UBE2E2: variants seen among roughly 807,000 people sequenced by gnomAD.
UBE2E2 encodes the protein ubiquitin conjugating enzyme E2 E2, also known as ubiquitin-conjugating enzyme E2 E2.
Under a neutral mutation model 24.7 loss-of-function variants are expected in UBE2E2, and 6 were observed. The observed-to-expected ratio is 0.24, with a 90% CI of 0.13 to 0.48. UBE2E2 has a LOEUF of 0.48. UBE2E2 is among the 20% of genes least tolerant of loss of function. The pLI, the probability that UBE2E2 is intolerant of heterozygous loss-of-function variation, is 0.99. For synonymous variants in UBE2E2, 104 were observed against 83.6 expected (o/e 1.24, Z -1.33); for missense variants, 169 against 245.0 (o/e 0.69, Z 2.07).
chr3:23,269,059 G>A lies in UBE2E2; in HGVS notation c.227+51747G>A, dbSNP rs1575519615. On this transcript the variant is annotated intron_variant, in intron 3 of 5. Coordinates refer to ENST00000396703, the MANE Select transcript of UBE2E2 (RefSeq NM_152653.4). ...CCTTATACAAAAATTAATTCAAGAT[G>A]GATTAGAGACTTAAACGTTAGACCT... Among the ~76,000 whole-genome samples the A allele has an allele frequency of 2.0e-5, 3 of 151,654 alleles. No individual in the cohort carries two copies. In the East Asian group the frequency reaches 5.8e-4, roughly 29 times the overall value.
At position 23,479,262 on chromosome 3, in the gene UBE2E2, G is replaced by C. The variant is rs1260904115; in HGVS notation, c.228-20346G>C. On this transcript the variant is annotated intron_variant, in intron 3 of 5. Coordinates refer to ENST00000396703, the MANE Select transcript of UBE2E2 (RefSeq NM_152653.4). ...CAAACAATCATGGAATCTAGTCACT[G>C]TGCATAGCCAGGCATGCCAGCTGCT... 2.0e-5 allele frequency among the ~76,000 whole-genome samples: 3 copies of C among 152,204 alleles called. No individual in the cohort carries two copies. In the East Asian group the frequency reaches 5.8e-4, roughly 29 times the overall value.
chr3:23,218,320 G>T (rs1001467550), intron 3 of UBE2E2, among the ~76,000 whole-genome samples: 3 of 152,182 alleles, frequency 2.0e-5, no homozygotes, highest in Admixed American at 2.0e-4. Flanking sequence ...AATATTCAAA[G>T]AATGTTTCAC....
At chr3:23,361,426 G>A (rs1696111119) in intron 3 of UBE2E2, among the ~76,000 whole-genome samples, 1 of 152,182 alleles carries the variant, frequency 6.6e-6, no homozygotes, top group African/African-American at 2.4e-5. Context: ...ATGGAACCAA[G>A]CTAAGTGCCC....
chr3:23,492,779 C>G (rs1256504611), intron 3 of UBE2E2, among the ~76,000 whole-genome samples: 2 of 151,972 alleles, frequency 1.3e-5, no homozygotes, highest in Non-Finnish European at 2.9e-5. Context: ...TACCATTAAA[C>G]CTCCCAATAA....
At chr3:23,319,959 C>G (rs1378899944) in intron 3 of UBE2E2, among the ~76,000 whole-genome samples, 1 of 152,132 alleles carries the variant, frequency 6.6e-6, no homozygotes, top group Non-Finnish European at 1.5e-5. Flanking sequence ...TAAGATCTGG[C>G]TAGCATTGGT....
At chr3:23,568,602 T>C (rs1696137706) in intron 5 of UBE2E2, among the ~76,000 whole-genome samples, 1 of 19,006 alleles carries the variant, frequency 5.3e-5, no homozygotes, top group Non-Finnish European at 9.3e-5. Context: ...CATATATATG[T>C]ATACATATAT....
chr3:23,436,966 C>T (rs1041510262), intron 3 of UBE2E2, among the ~76,000 whole-genome samples: 6 of 152,244 alleles, frequency 3.9e-5, no homozygotes, highest in African/African-American at 1.4e-4. Flanking sequence ...GCCATTGACA[C>T]TCTCACTGTG....
At chr3:23,503,406 G>C (rs1694334923) in intron 4 of UBE2E2, among the ~76,000 whole-genome samples, 1 of 151,700 alleles carries the variant, frequency 6.6e-6, no homozygotes, top group South Asian at 2.1e-4. Flanking sequence ...GGCCAGGCTG[G>C]TGTTGAACTC....
At chr3:23,536,270 C>G (rs1695261761) in intron 5 of UBE2E2, among the ~76,000 whole-genome samples, 1 of 152,138 alleles carries the variant, frequency 6.6e-6, no homozygotes, top group Non-Finnish European at 1.5e-5. Context: ...TTACCTCATG[C>G]AAAATTAATC....
Position 23,496,252 on chromosome 3 carries a change from A to G in UBE2E2, c.228-3356A>G, listed in dbSNP as rs552452147. Among the ~76,000 whole-genome samples the G allele has an allele frequency of 4.3e-4, 66 of 152,232 alleles. No homozygotes were observed. The South Asian group carries it at 0.013, about 31-fold the overall frequency. Reference sequence around the variant, plus strand: ...TAGACCTTTGACATAATTTTTCTTAATATAAGAATTTGGTACCTATGTAAT... The same window carrying G: ...TAGACCTTTGACATAATTTTTCTTAGTATAAGAATTTGGTACCTATGTAAT... On this transcript the variant is annotated intron_variant, in intron 3 of 5. Transcript: ENST00000396703.
intron 3 of UBE2E2, among the ~76,000 whole-genome samples, chr3:23,353,746 G>C (rs958831929): frequency 3.3e-5 from 5 of 152,006 alleles, no homozygotes; most frequent in Admixed American, 1.3e-4. Context: ...AGGATACAAA[G>C]AAATGGAAGA....
intron 3 of UBE2E2, among the ~76,000 whole-genome samples, chr3:23,352,648 T>C (rs1404813680): frequency 6.6e-6 from 1 of 152,128 alleles, no homozygotes; most frequent in African/African-American, 2.4e-5. Flanking sequence ...AATGGATAAA[T>C]TCCTCAACAC....
chr3:23,208,641 G>A (rs1696219862), intron 1 of UBE2E2, 51 bp from the exon 2 acceptor site: 2 of 1,389,366 alleles, frequency 1.4e-6, no homozygotes, highest in African/African-American at 1.5e-5. Context: ...TGTTCTGGAG[G>A]TAGCTTACTG....
At chr3:23,306,331 G>A (rs1333517569) in intron 3 of UBE2E2, among the ~76,000 whole-genome samples, 2 of 152,114 alleles carry the variant, frequency 1.3e-5, no homozygotes, top group Non-Finnish European at 2.9e-5. Flanking sequence ...ATAGGCCTCC[G>A]TGGAAAGAAA....
chr3:23,436,482 C>T (rs887293967), intron 3 of UBE2E2, among the ~76,000 whole-genome samples: 2 of 152,030 alleles, frequency 1.3e-5, no homozygotes, highest in Non-Finnish European at 2.9e-5. Context: ...GGAGCGCTCT[C>T]ATTTAGAAGA....
At chr3:23,441,593 A>G (rs946158728) in intron 3 of UBE2E2, among the ~76,000 whole-genome samples, 11 of 150,702 alleles carry the variant, frequency 7.3e-5, no homozygotes, top group South Asian at 2.1e-4. Flanking sequence ...AGGAGATGCC[A>G]CCATCTCTGA....
intron 3 of UBE2E2, among the ~76,000 whole-genome samples, chr3:23,236,807 C>T (rs1485250838): frequency 1.3e-5 from 2 of 152,150 alleles, no homozygotes; most frequent in African/African-American, 2.4e-5. Flanking sequence ...CTCTCTATCT[C>T]TTCATGACTT....
chr3:23,440,607 C>T (rs1276652428), intron 3 of UBE2E2, among the ~76,000 whole-genome samples: 1 of 152,136 alleles, frequency 6.6e-6, no homozygotes, highest in African/African-American at 2.4e-5. Context: ...ACAAATCTGT[C>T]AGGCTTTGAA....
chr3:23,303,520 A>G (rs1276591949), intron 3 of UBE2E2, among the ~76,000 whole-genome samples: 1 of 152,166 alleles, frequency 6.6e-6, no homozygotes, highest in African/African-American at 2.4e-5. Context: ...TTTTATTGTC[A>G]GGTATAAATT....
Sources: allele counts gnomAD v4.1 joint callset (sites outside exome capture counted in the v4.1 genomes callset), GRCh38; gene constraint gnomAD v4.1.1; transcripts MANE v1.5; gene names NCBI Gene and HGNC (gene_info 2026-07-23, HGNC 2026-07-21).